Variants in OLFM3 observed in about 807,000 individuals in gnomAD.
OLFM3 encodes olfactomedin 3.
A neutral mutation model predicts 48.6 loss-of-function variants in OLFM3; 20 were observed. The ratio of observed to expected loss-of-function variants is 0.41; its 90% CI spans 0.29 to 0.60. The LOEUF (loss-of-function observed/expected upper bound fraction) is 0.60. Ranked by LOEUF, OLFM3 falls within the 20% of genes least tolerant of loss-of-function variation. The pLI, the probability that OLFM3 is intolerant of heterozygous loss-of-function variation, is 0.28. For missense variants in OLFM3, 437 were observed against 544.3 expected (o/e 0.80, Z 1.96); for synonymous variants, 222 against 198.1 (o/e 1.12, Z -1.01).
chr1:101,977,163 G>T (rs1570683542), intron 1 of OLFM3, among the ~76,000 whole-genome samples: 1 of 152,060 alleles, frequency 6.6e-6, no homozygotes, highest in African/African-American at 2.4e-5. Context: ...GAGTATAAAA[G>T]CATTTGTAAT....
At chr1:101,863,322 C>T (rs910889565) in intron 1 of OLFM3, among the ~76,000 whole-genome samples, 2 of 152,174 alleles carry the variant, frequency 1.3e-5, no homozygotes, top group South Asian at 4.1e-4. Flanking sequence ...TAAGTCCTTG[C>T]TATACTCATA....
chr1:101,992,278 CATTTA>C (rs1661433524), intron 1 of OLFM3, among the ~76,000 whole-genome samples: 1 of 152,088 alleles, frequency 6.6e-6, no homozygotes, highest in Admixed American at 6.5e-5. Context: ...AAGGTGATAC[CATTTA>C]ACTGTTTCTA....
chr1:101,823,244 C>A (rs1312956834), intron 4 of OLFM3, among the ~76,000 whole-genome samples: 3 of 151,952 alleles, frequency 2.0e-5, no homozygotes, highest in African/African-American at 7.2e-5. Flanking sequence ...GATAATGAAA[C>A]AAGAGAAGTC....
intron 1 of OLFM3, among the ~76,000 whole-genome samples, chr1:101,916,883 A>G (rs759101538): frequency 1.3e-5 from 2 of 152,192 alleles, no homozygotes; most frequent in African/African-American, 2.4e-5. Flanking sequence ...AGATTTTACA[A>G]TACTGAGAGC....
chr1:101,921,820 G>A (rs1464807890), intron 1 of OLFM3, among the ~76,000 whole-genome samples: 2 of 152,112 alleles, frequency 1.3e-5, no homozygotes, highest in Non-Finnish European at 2.9e-5. Flanking sequence ...CACTTTGGGA[G>A]GCCAAGGTGG....
intron 1 of OLFM3, among the ~76,000 whole-genome samples, chr1:101,868,906 A>T (rs1322850485): frequency 1.3e-5 from 2 of 152,186 alleles, no homozygotes; most frequent in Non-Finnish European, 2.9e-5. Flanking sequence ...GGTGGTTTAC[A>T]TGTGGTATTG....
At chr1:101,808,141 G>T (rs1043789194) in intron 4 of OLFM3, among the ~76,000 whole-genome samples, 19 of 150,446 alleles carry the variant, frequency 1.3e-4, no homozygotes, top group Non-Finnish European at 2.5e-4. Flanking sequence ...TAAAACATGT[G>T]ATTTTTTTTC....
intron 1 of OLFM3, among the ~76,000 whole-genome samples, chr1:101,985,310 A>T (rs1219979763): frequency 6.6e-6 from 1 of 152,240 alleles, no homozygotes; most frequent in Non-Finnish European, 1.5e-5. Context: ...GTAAGTTAAC[A>T]TATGCACAGG....
intron 2 of OLFM3, among the ~76,000 whole-genome samples, 177 bp downstream of exon 2, chr1:101,836,702 A>G (rs1211248511): frequency 6.6e-6 from 1 of 152,016 alleles, no homozygotes; most frequent in Non-Finnish European, 1.5e-5. Flanking sequence ...GAAATAGGAC[A>G]AAGACAATAG....
At chr1:101,990,229 C>T (rs563435461) in intron 1 of OLFM3, among the ~76,000 whole-genome samples, 1 of 152,206 alleles carries the variant, frequency 6.6e-6, no homozygotes, top group South Asian at 2.1e-4. Flanking sequence ...TAAATTGGAG[C>T]TTTGACCAAA....
chr1:101,878,062 A>G (rs1284595834), intron 1 of OLFM3, among the ~76,000 whole-genome samples: 1 of 151,856 alleles, frequency 6.6e-6, no homozygotes, highest in Non-Finnish European at 1.5e-5. Flanking sequence ...TCTCACCCGC[A>G]TGTCCTAGAG....
intron 1 of OLFM3, among the ~76,000 whole-genome samples, chr1:101,855,282 T>C (rs1193813189): frequency 6.6e-6 from 1 of 152,062 alleles, no homozygotes; most frequent in African/African-American, 2.4e-5. Flanking sequence ...GATGAGGTAG[T>C]ATTGCTATCG....
chr1:101,970,775 C>T (rs1245153520), intron 1 of OLFM3, among the ~76,000 whole-genome samples: 1 of 152,182 alleles, frequency 6.6e-6, no homozygotes, highest in Non-Finnish European at 1.5e-5. Flanking sequence ...TGCTGGAGTA[C>T]ACTTCATACA....
intron 1 of OLFM3, among the ~76,000 whole-genome samples, chr1:101,850,144 C>G (rs548117690): frequency 9.6e-6 from 1 of 104,332 alleles, no homozygotes; most frequent in African/African-American, 4.6e-5. Context: ...AAATAACAAA[C>G]CAAAATCTAT....
At chr1:101,873,458 A>C (rs1175338543) in intron 1 of OLFM3, among the ~76,000 whole-genome samples, 3 of 151,846 alleles carry the variant, frequency 2.0e-5, no homozygotes, top group Non-Finnish European at 2.9e-5. Context: ...TATACATTAT[A>C]ATACTATCAT....
intron 1 of OLFM3, among the ~76,000 whole-genome samples, chr1:101,946,826 C>T (rs948607683): frequency 4.6e-5 from 7 of 152,070 alleles, no homozygotes; most frequent in African/African-American, 1.2e-4. Context: ...GTTGTAGGAT[C>T]GTATATTTTA....
intron 1 of OLFM3, among the ~76,000 whole-genome samples, chr1:101,992,840 C>A (rs1661453598): frequency 6.6e-6 from 1 of 151,984 alleles, no homozygotes; most frequent in South Asian, 2.1e-4. Context: ...GGCTTTAAAG[C>A]AATTATGTTA....
intron 1 of OLFM3, among the ~76,000 whole-genome samples, chr1:101,839,773 G>C (rs991804652): frequency 6.6e-6 from 1 of 152,128 alleles, no homozygotes; most frequent in Non-Finnish European, 1.5e-5. Flanking sequence ...TGTTCATTTA[G>C]CATTTCCCCT....
intron 1 of OLFM3, among the ~76,000 whole-genome samples, chr1:101,956,103 TA>T (rs1553183053): frequency 1.4e-5 from 2 of 143,362 alleles, no homozygotes; most frequent in Non-Finnish European, 3.0e-5. Context: ...TTTTTTTTTT[TA>T]AAAAAAACCT....
Sources: allele counts gnomAD v4.1 joint callset (sites outside exome capture counted in the v4.1 genomes callset), GRCh38; gene constraint gnomAD v4.1.1; transcripts MANE v1.5; gene names NCBI Gene and HGNC (gene_info 2026-07-23, HGNC 2026-07-21).